The following NLRP1 variants were observed in gnomAD, a reference collection of about 807,000 sequenced individuals.
NLRP1 encodes NACHT, LRR and PYD domains-containing protein 1.
Under a neutral mutation model 136.7 loss-of-function variants are expected in NLRP1, and 94 were observed. The observed-to-expected ratio is 0.69, with a 90% CI of 0.58 to 0.82. The LOEUF is 0.82. NLRP1 is among the 40% of genes least tolerant of loss of function. NLRP1 has a pLI of 0.00. For missense variants in NLRP1, 1,575 were observed against 1,802.7 expected (o/e 0.87, Z 2.29); for synonymous variants, 690 against 725.1 (o/e 0.95, Z 0.78).
In NLRP1 at chr17:5,583,526, G is replaced by T. The variant is rs1227385335; in HGVS notation, c.271+161C>A. Among the ~76,000 whole-genome samples, 1 of 152,184 alleles carries T rather than the reference G, an allele frequency of 6.6e-6. No homozygotes were observed. On this transcript the variant is annotated intron_variant, in intron 1 of 16. Transcript: ENST00000572272. The surrounding 1 kb of genome is among the most constrained non-coding windows in gnomAD (Gnocchi z 4.5). ...CCCCCCAGCAAGCCTCCTGGCTCCA[G>T]CATAGTCTGGGGCCTGGATCCCCCT...
rs202200247 is a variant in NLRP1, at chr17:5,521,628, G to A, written c.3679C>T (p.Arg1227Cys). The change falls in exon 13 of 17, where the codon CGC becomes TGC. Residue 1227 changes from arginine (R) to cysteine (C), a missense_variant. By Grantham distance (180) the Arg-to-Cys change is radical (BLOSUM62 -3). Coordinates refer to ENST00000572272, the MANE Select transcript of NLRP1 (RefSeq NM_033004.4). ...ACCACAGAGGTGACGGGAATGAAGC[G>A]CAGGGCATTATGGATCATTTTCAGG... ...VLLKMIHNALRFIPVTSVVLL... is the reference protein window; with the variant it reads ...VLLKMIHNALCFIPVTSVVLL... 12 of 1,614,106 alleles carry A rather than the reference G, an allele frequency of 7.4e-6. No homozygotes were observed. The highest frequency in any genetic ancestry group is 2.2e-5 in the East Asian group (1 of 44,872).
intron 3 of NLRP1, among the ~76,000 whole-genome samples, chr17:5,567,463 T>C (rs1915459478): frequency 6.6e-6 from 1 of 152,054 alleles, no homozygotes; most frequent in African/African-American, 2.4e-5. Context: ...AAAACTTAAC[T>C]TCATTTCCCA....
At chr17:5,567,848 G>C (rs1915496402) in intron 3 of NLRP1, among the ~76,000 whole-genome samples, 1 of 152,204 alleles carries the variant, frequency 6.6e-6, no homozygotes, top group South Asian at 2.1e-4. Context: ...TAGGGTAAAA[G>C]TTTTCTTTCC....
In NLRP1 at chr17:5,521,786, C is replaced by G; in HGVS notation, c.3521G>C (p.Gly1174Ala). 6.3e-7 allele frequency: 1 copy of G among 1,587,322 alleles called. No individual in the cohort carries two copies. The highest frequency in any genetic ancestry group is 8.6e-7 in the Non-Finnish European group (1 of 1,166,482). ...GAACAGGGATGTGTCCACATGGCCC[C>G]CTGTAAAAGAATGGATTGAAGAGGC... ...VHLPHFVALQ[G>A]GHVDTSLFQM... The change falls in exon 13 of 17, where the codon GGG becomes GCG. Residue 1174 changes from glycine to alanine, a missense_variant and splice_region_variant. Gly to Ala is a moderately conservative substitution (Grantham distance 60, BLOSUM62 0). Coordinates refer to ENST00000572272, the MANE Select transcript of NLRP1 (RefSeq NM_033004.4).
intron 4 of NLRP1, 102 bp downstream of exon 4, chr17:5,558,237 C>A: frequency 1.5e-6 from 2 of 1,321,974 alleles, no homozygotes; most frequent in Non-Finnish European, 2.1e-6. Context: ...TTTAGCCACC[C>A]CCACCCCCGG....
intron 4 of NLRP1, among the ~76,000 whole-genome samples, chr17:5,556,494 C>T (rs1015582091): frequency 2.0e-5 from 3 of 151,554 alleles, no homozygotes; most frequent in Non-Finnish European, 4.4e-5. Context: ...TACCCCACAC[C>T]CACTCACAAG....
At chr17:5,556,489 C>T (rs1914100885) in intron 4 of NLRP1, among the ~76,000 whole-genome samples, 1 of 151,460 alleles carries the variant, frequency 6.6e-6, no homozygotes, top group African/African-American at 2.4e-5. Flanking sequence ...AAAAATACCC[C>T]ACACCCACTC....
intron 12 of NLRP1, among the ~76,000 whole-genome samples, chr17:5,523,374 C>G (rs1909137997): frequency 6.6e-6 from 1 of 152,148 alleles, no homozygotes; most frequent in South Asian, 2.1e-4. Context: ...CCTACAGTAG[C>G]TGTCTCCGTA....
At chr17:5,516,511 CA>C (rs1238298014) in intron 15 of NLRP1, among the ~76,000 whole-genome samples, 5 of 152,044 alleles carry the variant, frequency 3.3e-5, no homozygotes, top group African/African-American at 1.2e-4. Context: ...TTCCAAGGGA[CA>C]GAATTAAGAC....
Position 5,517,869 on chromosome 17 carries a change from G to C in NLRP1, c.3934C>G (p.Arg1312Gly). Residue 1312 changes from arginine (R) to glycine (G), a missense_variant, in exon 15 of 17, where the codon CGA (arginine) becomes GGA (glycine). Transcript: ENST00000572272. The stretch of plus-strand genomic sequence containing the variant: ...AACAGCTGGTCTTCTCCAGGGCTTC[G>C]ATAGCAGAGCTCCAGTTCCTGAAGA... ...ILPKELELCYRSPGEDQLFSE... is the reference protein window; with the variant it reads ...ILPKELELCYGSPGEDQLFSE... 1.2e-6 allele frequency: 2 copies of C among 1,614,076 alleles called. No individual in the cohort carries two copies. The highest frequency in any genetic ancestry group is 8.5e-7 in the Non-Finnish European group (1 of 1,180,010).
At chr17:5,530,163 G>C (rs973714164) in intron 12 of NLRP1, 9 of 475,408 alleles carry the variant, frequency 1.9e-5, no homozygotes, top group African/African-American at 9.9e-5. Context: ...TCTTTGAAAA[G>C]CTTCTTCAAA....
chr17:5,554,122 G>T (rs1913736095), intron 4 of NLRP1, among the ~76,000 whole-genome samples: 2 of 152,052 alleles, frequency 1.3e-5, no homozygotes, highest in South Asian at 4.2e-4. Flanking sequence ...GACTGTATAT[G>T]ATCATATGCA....
chr17:5,540,601 T>C (rs574293874), intron 6 of NLRP1, among the ~76,000 whole-genome samples: 1 of 152,344 alleles, frequency 6.6e-6, no homozygotes, highest in South Asian at 2.1e-4. Flanking sequence ...AGCTACTTCC[T>C]GGCTATGTGG....
intron 5 of NLRP1, among the ~76,000 whole-genome samples, chr17:5,549,424 G>C (rs982622640): frequency 6.6e-6 from 1 of 151,934 alleles, no homozygotes; most frequent in Non-Finnish European, 1.5e-5. Context: ...GACTGTGGGC[G>C]TGTGCCACCA....
At chr17:5,556,159 C>T (rs547319321) in intron 4 of NLRP1, among the ~76,000 whole-genome samples, 3,549 of 127,722 alleles carry the variant, frequency 0.028, 56 homozygotes, top group Middle Eastern at 0.062. Flanking sequence ...CACACACACA[C>T]ACATGAAGGG....
chr17:5,565,752 T>C (rs1915262221), intron 3 of NLRP1, among the ~76,000 whole-genome samples: 1 of 152,040 alleles, frequency 6.6e-6, no homozygotes, highest in African/African-American at 2.4e-5. Flanking sequence ...TCAGTAGGAC[T>C]GATACTAGTT....
Position 5,533,934 on chromosome 17 carries a change from A to G in NLRP1, c.3015T>C (p.Asn1005=). The part of the protein sequence containing the change: ...TEGLDTGEMS[N]STSSLKRQRL... Reference sequence around the variant, plus strand: ...TCTGCCGCTTGAGTGAGGATGTGCTATTACTCATCTCTCCCGTATCCAGGC... The same window carrying G: ...TCTGCCGCTTGAGTGAGGATGTGCTGTTACTCATCTCTCCCGTATCCAGGC... Residue 1005 remains asparagine (N), a synonymous_variant, in exon 9 of 17, where the codon AAT becomes AAC. Transcript: ENST00000572272. 2 of 1,613,412 alleles carry G rather than the reference A, an allele frequency of 1.2e-6. No individual in the cohort carries two copies. The highest frequency in any genetic ancestry group is 1.7e-6 in the Non-Finnish European group (2 of 1,179,566).
At chr17:5,575,974 C>T (rs1904972114) in intron 3 of NLRP1, among the ~76,000 whole-genome samples, 1 of 152,206 alleles carries the variant, frequency 6.6e-6, no homozygotes, top group African/African-American at 2.4e-5. Context: ...AAGAAACTCA[C>T]TCAAAACCGC....
exon 16 of NLRP1, chr17:5,501,550 G>A (rs201594203): frequency 1.3e-5 from 5 of 375,752 alleles, no homozygotes; most frequent in African/African-American, 1.0e-4. Context: ...TCAAGAATTG[G>A]TGCATTTCTC....
Sources: allele counts gnomAD v4.1 joint callset (sites outside exome capture counted in the v4.1 genomes callset), GRCh38; gene constraint gnomAD v4.1.1; non-coding constraint Gnocchi (gnomAD v3.1); transcripts MANE v1.5; gene names NCBI Gene and HGNC (gene_info 2026-07-23, HGNC 2026-07-21).